Variants in DCAF1 observed in about 807,000 individuals in gnomAD.
The protein encoded by DCAF1 is DDB1 and CUL4 associated factor 1, also known as DDB1- and CUL4-associated factor 1.
In DCAF1, 15 loss-of-function variants were observed where a neutral mutation model predicts 128.0. The observed-to-expected ratio is 0.12, with a 90% confidence interval of 0.08 to 0.18. The LOEUF (loss-of-function observed/expected upper bound fraction) is 0.18. Ranked by LOEUF, DCAF1 falls within the 10% of genes least tolerant of loss-of-function variation. The pLI is 1.00. For synonymous variants in DCAF1, 610 were observed against 603.0 expected, an observed-to-expected ratio of 1.01 and a Z score of -0.17; for missense variants, 988 against 1,649.5, an observed-to-expected ratio of 0.60 and a Z score of 6.95.
chr3:51,412,548 C>T (rs1577068717), intron 22 of DCAF1, 68 bp from the exon 23 acceptor site: 1 of 1,603,354 alleles, frequency 6.2e-7, no homozygotes. Flanking sequence ...CGCCTCAGCC[C>T]TGACTGGTGC....
intron 3 of DCAF1, among the ~76,000 whole-genome samples, chr3:51,473,425 CT>C (rs782196520): frequency 0.031 from 2,330 of 74,160 alleles, 88 homozygotes; most frequent in East Asian, 0.21. Flanking sequence ...ACTTTCTAGT[CT>C]TTTTTTTTTT....
rs572399529 is a variant in DCAF1, at chr3:51,496,840, A to G, written c.-55-60T>C. ...ATGACAATATTGTCCCCATGATGGG[A>G]TAATATAAAGCCTCAAGAAATACTT... On this transcript the variant is annotated intron_variant, in intron 1 of 24. Transcript: ENST00000684031. Among the ~76,000 whole-genome samples the G allele has an allele frequency of 1.2e-4, 19 of 152,254 alleles. No individual in the cohort carries two copies. The South Asian group carries it at 3.9e-3, about 32-fold the overall frequency.
At position 51,463,235 on chromosome 3, in the gene DCAF1, GA is replaced by G. The variant is rs1559543532; in HGVS notation, c.262-9del. ...CACATATGCATTCACCAGCTGTAAAGAAAAAAAAGAAATACTGTTCATCTAA... is the reference window on the plus strand; with the variant it reads ...CACATATGCATTCACCAGCTGTAAAGAAAAAAAGAAATACTGTTCATCTAA... On this transcript the variant is annotated splice_polypyrimidine_tract_variant and intron_variant, in intron 5 of 24. Coordinates refer to ENST00000684031, the MANE Select transcript of DCAF1 (RefSeq NM_001387579.1). The G allele has an allele frequency of 1.9e-5, 28 of 1,447,416 alleles. No individual in the cohort carries two copies. The highest frequency in any genetic ancestry group is 1.2e-4 in the Admixed American group (5 of 42,854). The allele number at this position is 1,447,416 out of a possible 1,614,324, so 89.7% of individuals were successfully genotyped here.
intron 24 of DCAF1, 97 bp from the exon 25 acceptor site, chr3:51,398,924 C>G: frequency 1.4e-6 from 2 of 1,444,658 alleles, no homozygotes; most frequent in Admixed American, 2.0e-5. Flanking sequence ...CATGCCCGAG[C>G]AAGGTTAACT....
chr3:51,429,608 T>C (rs1428886099), intron 11 of DCAF1, 138 bp from the exon 12 acceptor site: 2 of 625,844 alleles, frequency 3.2e-6, no homozygotes, highest in Non-Finnish European at 5.7e-6. Context: ...CAGTAAACTT[T>C]TATGCTTAAC....
At chr3:51,475,809 C>T (rs1376497864) in intron 3 of DCAF1, among the ~76,000 whole-genome samples, 6 of 151,780 alleles carry the variant, frequency 4.0e-5, no homozygotes, top group African/African-American at 1.5e-4. Flanking sequence ...TGCAGTGAGC[C>T]GAGATTGCGC....
Position 51,416,887 on chromosome 3 carries a change from A to G in DCAF1, c.3519-16T>C. 3 of 1,598,052 alleles carry G rather than the reference A, an allele frequency of 1.9e-6. No homozygotes were observed. The highest frequency in any genetic ancestry group is 2.3e-5 in the South Asian group (2 of 88,320). On this transcript the variant is annotated splice_polypyrimidine_tract_variant and intron_variant, in intron 17 of 24. Transcript: ENST00000684031. ...GAAGGAATGCCTATGGACAAACAAC[A>G]GGAGCACTGAAGTGACAGATCTTCA...
chr3:51,458,115 T>G (rs1440835795), intron 6 of DCAF1, among the ~76,000 whole-genome samples: 8 of 152,160 alleles, frequency 5.3e-5, no homozygotes, highest in Non-Finnish European at 1.2e-4. Context: ...AGACACAGAC[T>G]GGCAAATTGG....
intron 6 of DCAF1, among the ~76,000 whole-genome samples, chr3:51,449,259 G>A (rs1187001605): frequency 6.6e-6 from 1 of 152,078 alleles, no homozygotes; most frequent in Non-Finnish European, 1.5e-5. Context: ...CCAGGCTGGA[G>A]TGCAATGGCA....
chr3:51,424,630 C>A (rs1045051450), intron 13 of DCAF1, among the ~76,000 whole-genome samples: 7 of 152,030 alleles, frequency 4.6e-5, no homozygotes, highest in African/African-American at 1.7e-4. Context: ...AACAAAAACA[C>A]TAAATTAGCC....
At chr3:51,424,452 T>G (rs1699728849) in intron 13 of DCAF1, among the ~76,000 whole-genome samples, 1 of 151,742 alleles carries the variant, frequency 6.6e-6, no homozygotes, top group African/African-American at 2.4e-5. Context: ...TCCTATATAT[T>G]GCTGGTGGGG....
chr3:51,417,009 T>A, intron 17 of DCAF1, 138 bp from the exon 18 acceptor site: 2 of 1,352,864 alleles, frequency 1.5e-6, no homozygotes, highest in Non-Finnish European at 2.0e-6. Flanking sequence ...GAGGAAACAA[T>A]CATACACTTA....
At chr3:51,456,738 C>T (rs1553642944) in intron 6 of DCAF1, among the ~76,000 whole-genome samples, 1 of 152,202 alleles carries the variant, frequency 6.6e-6, no homozygotes, top group Non-Finnish European at 1.5e-5. Context: ...GATCAGGCAG[C>T]AGCATCTGTG....
chr3:51,423,271 T>G, intron 13 of DCAF1, among the ~76,000 whole-genome samples: 1 of 151,136 alleles, frequency 6.6e-6, no homozygotes, highest in East Asian at 2.0e-4. Flanking sequence ...GCGGGCAGAT[T>G]GCCTGAGCTC....
intron 6 of DCAF1, among the ~76,000 whole-genome samples, chr3:51,462,208 GGTCAGGA>G (rs1439933435): frequency 4.6e-5 from 7 of 151,614 alleles, no homozygotes; most frequent in Non-Finnish European, 1.0e-4. Flanking sequence ...GGAACACTTG[GGTCAGGA>G]GTTTGAGACC....
intron 6 of DCAF1, among the ~76,000 whole-genome samples, chr3:51,459,909 AAAT>A (rs1703352279): frequency 6.6e-6 from 1 of 152,156 alleles, no homozygotes; most frequent in Non-Finnish European, 1.5e-5. Context: ...ACCTATCTCA[AAAT>A]AATAAGAGCT....
chr3:51,428,639 T>C lies in DCAF1; in HGVS notation c.1677+622A>G, dbSNP rs1211722145. On this transcript the variant is annotated intron_variant, in intron 12 of 24. Transcript: ENST00000684031. ...CCACAATGATAGTGAAGTGGAGTTA[T>C]AAACACATTTTCAGAAAAGAAATTC... 3.3e-5 allele frequency among the ~76,000 whole-genome samples: 5 copies of C among 152,136 alleles called. No individual in the cohort carries two copies. In the East Asian group the frequency reaches 9.6e-4, roughly 29 times the overall value.
intron 13 of DCAF1, among the ~76,000 whole-genome samples, chr3:51,422,925 G>T (rs1311415393): frequency 6.6e-6 from 1 of 151,872 alleles, no homozygotes; most frequent in African/African-American, 2.4e-5. Flanking sequence ...GATATTAGCC[G>T]GGTGTGGTAG....
chr3:51,425,866 T>C (rs139759430), intron 13 of DCAF1, among the ~76,000 whole-genome samples: 1 of 152,170 alleles, frequency 6.6e-6, no homozygotes, highest in Admixed American at 6.5e-5. Flanking sequence ...GCCTGGCCTA[T>C]CATCACTTTT....
Sources: allele counts gnomAD v4.1 joint callset (sites outside exome capture counted in the v4.1 genomes callset), GRCh38; gene constraint gnomAD v4.1.1; transcripts MANE v1.5; gene names NCBI Gene and HGNC (gene_info 2026-07-23, HGNC 2026-07-21).